Variants in TMPRSS15 observed in about 807,000 individuals in gnomAD.
TMPRSS15 encodes the protein transmembrane serine protease 15.
In TMPRSS15, 128 loss-of-function variants were observed where a neutral mutation model predicts 125.3. The ratio of observed to expected loss-of-function variants is 1.02; its 90% CI spans 0.89 to 1.18. TMPRSS15 has a LOEUF of 1.18. Among genes scored for constraint, TMPRSS15 ranks in the 50% most tolerant of loss-of-function variants. TMPRSS15 has a pLI of 0.00. For synonymous variants in TMPRSS15, 446 were observed against 423.2 expected (o/e 1.05, Z -0.66); for missense variants, 1,283 against 1,212.7 (o/e 1.06, Z -0.86).
intron 1 of TMPRSS15, among the ~76,000 whole-genome samples, chr21:18,456,347 T>C (rs1346341903): frequency 6.6e-6 from 1 of 152,100 alleles, no homozygotes; most frequent in Non-Finnish European, 1.5e-5. Context: ...TATTTTTATC[T>C]AAGAAGTGAA....
At chr21:18,458,447 G>T (rs1248788213) in intron 1 of TMPRSS15, among the ~76,000 whole-genome samples, 1 of 152,160 alleles carries the variant, frequency 6.6e-6, no homozygotes, top group Non-Finnish European at 1.5e-5. Context: ...AGAATCTCAA[G>T]TGGTTCTCAA....
In TMPRSS15 at chr21:18,279,021, CTT is replaced by C. The variant is rs745568335; in HGVS notation, c.2705_2706del (p.Gln902ArgfsTer30). The C allele has an allele frequency of 6.7e-7, 1 of 1,502,744 alleles. No individual in the cohort carries two copies. The highest frequency in any genetic ancestry group is 9.0e-7 in the Non-Finnish European group (1 of 1,112,964). 93.1% of individuals were successfully genotyped at this position (1,502,744 alleles called of 1,614,324 possible). A position where few individuals can be genotyped will look rare whatever the true frequency, so the allele number is the denominator to read the frequency against. ...IQPICLPEEN[Q>X]VFPPGRNCSI... ...GAACAATTTCTTCCTGGAGGAAAAACTTGATTTTCTTCCGGTAAACAAATAGG... is the reference window on the plus strand; with the variant it reads ...GAACAATTTCTTCCTGGAGGAAAAACGATTTTCTTCCGGTAAACAAATAGG... On this transcript the variant is annotated frameshift_variant, in exon 23 of 25. Transcript: ENST00000284885. LOFTEE classifies it high-confidence loss of function.
intron 1 of TMPRSS15, among the ~76,000 whole-genome samples, chr21:18,400,364 G>T (rs2076083710): frequency 6.6e-6 from 1 of 152,140 alleles, no homozygotes; most frequent in African/African-American, 2.4e-5. Flanking sequence ...CATGGTAGTA[G>T]TACAAATACA....
chr21:18,479,257 A>C (rs963063253), intron 1 of TMPRSS15, among the ~76,000 whole-genome samples: 3 of 152,002 alleles, frequency 2.0e-5, no homozygotes, highest in African/African-American at 7.2e-5. Context: ...CTACACATAC[A>C]TGCATACAAA....
intron 24 of TMPRSS15, 36 bp from the exon 25 acceptor site, chr21:18,270,160 G>C: frequency 6.4e-7 from 1 of 1,570,964 alleles, no homozygotes; most frequent in Non-Finnish European, 8.8e-7. Flanking sequence ...TTGTAGATAT[G>C]TGGTCAATTG....
intron 1 of TMPRSS15, among the ~76,000 whole-genome samples, chr21:18,455,754 G>T (rs925661947): frequency 5.3e-5 from 8 of 152,172 alleles, no homozygotes; most frequent in African/African-American, 1.9e-4. Context: ...AGTGAGTTTG[G>T]GGGAAATATG....
intron 23 of TMPRSS15, 61 bp downstream of exon 23, chr21:18,278,903 A>C: frequency 1.2e-6 from 1 of 867,916 alleles, no homozygotes. Flanking sequence ...ATATTATGAC[A>C]GTCTGTTTTT....
intron 1 of TMPRSS15, among the ~76,000 whole-genome samples, chr21:18,447,439 C>CA (rs57558994): frequency 0.38 from 33,626 of 87,980 alleles, 7,442 homozygotes; most frequent in East Asian, 0.74. Flanking sequence ...GACTTCAACT[C>CA]AAAAAAAAAA....
intron 16 of TMPRSS15, among the ~76,000 whole-genome samples, chr21:18,322,876 T>C (rs1301135893): frequency 6.6e-6 from 1 of 152,180 alleles, no homozygotes; most frequent in East Asian, 1.9e-4. Context: ...AGAAGACAAT[T>C]TGGAATATTC....
chr21:18,369,630 G>A (rs2075771838), intron 6 of TMPRSS15, among the ~76,000 whole-genome samples: 1 of 151,770 alleles, frequency 6.6e-6, no homozygotes, highest in South Asian at 2.1e-4. Context: ...CACAGCTGGA[G>A]CAAAAAAATA....
At chr21:18,444,476 C>G (rs2076250511) in intron 1 of TMPRSS15, among the ~76,000 whole-genome samples, 1 of 151,856 alleles carries the variant, frequency 6.6e-6, no homozygotes, top group African/African-American at 2.4e-5. Flanking sequence ...CACACTGGGG[C>G]CTGTTGGGGG....
chr21:18,296,310 CAT>C (rs2074907347), intron 19 of TMPRSS15, among the ~76,000 whole-genome samples: 1 of 152,146 alleles, frequency 6.6e-6, no homozygotes, highest in South Asian at 2.1e-4. Flanking sequence ...GGGATACAAA[CAT>C]AATCATCTAT....
At chr21:18,357,571 T>C (rs915226830) in intron 8 of TMPRSS15, among the ~76,000 whole-genome samples, 1 of 151,848 alleles carries the variant, frequency 6.6e-6, no homozygotes, top group African/African-American at 2.4e-5. Context: ...AGATTGTATA[T>C]TTTGAATTGG....
At chr21:18,367,701 T>C (rs932393202) in intron 6 of TMPRSS15, among the ~76,000 whole-genome samples, 1 of 152,198 alleles carries the variant, frequency 6.6e-6, no homozygotes, top group African/African-American at 2.4e-5. Context: ...CCAACATTTA[T>C]AGAGTGTTTA....
chr21:18,424,897 TATTA>T (rs2076199418), intron 1 of TMPRSS15, among the ~76,000 whole-genome samples: 2 of 148,948 alleles, frequency 1.3e-5, no homozygotes, highest in African/African-American at 4.9e-5. Context: ...TATTCATATA[TATTA>T]ATTCATATAT....
At chr21:18,338,745 A>G (rs1056119552) in intron 13 of TMPRSS15, among the ~76,000 whole-genome samples, 2 of 151,666 alleles carry the variant, frequency 1.3e-5, no homozygotes, top group Non-Finnish European at 2.9e-5. Flanking sequence ...AGAGAAAGAG[A>G]GAGAGAGGCT....
chr21:18,367,321 C>T (rs983680455), intron 6 of TMPRSS15, among the ~76,000 whole-genome samples: 10 of 152,112 alleles, frequency 6.6e-5, no homozygotes, highest in Non-Finnish European at 1.3e-4. Flanking sequence ...AAAATTAAGG[C>T]TAATTTGTCA....
At chr21:18,329,015 T>C (rs555476975) in intron 15 of TMPRSS15, among the ~76,000 whole-genome samples, 154 bp downstream of exon 15, 1 of 152,332 alleles carries the variant, frequency 6.6e-6, no homozygotes, top group East Asian at 1.9e-4. Context: ...ATATACCCTA[T>C]ATTGTAAGTT....
At chr21:18,410,371 A>G (rs1258496366) in intron 1 of TMPRSS15, among the ~76,000 whole-genome samples, 1 of 152,098 alleles carries the variant, frequency 6.6e-6, no homozygotes, top group African/African-American at 2.4e-5. Context: ...AGCATTAAGA[A>G]TTGACAAACT....
Sources: gnomAD v4.1 joint callset for allele counts (sites outside exome capture counted in the v4.1 genomes callset) on GRCh38, gnomAD v4.1.1 for gene constraint, MANE v1.5 for transcripts, NCBI Gene and HGNC (gene_info 2026-07-23, HGNC 2026-07-21) for gene names.